Variants in GLI2 observed in about 807,000 individuals in gnomAD.
GLI2 encodes GLI family zinc finger 2, also known as transcription activator GLI2.
Under a neutral mutation model 78.9 loss-of-function variants are expected in GLI2, and 22 were observed. That is an observed-to-expected ratio of 0.28 (90% CI 0.20 to 0.40). The LOEUF is 0.40. Among genes scored for constraint, GLI2 ranks in the 10% least tolerant of loss-of-function variants. The pLI, the probability that GLI2 is intolerant of heterozygous loss-of-function variation, is 1.00. For synonymous variants in GLI2, 974 were observed against 963.7 expected (o/e 1.01, Z -0.20); for missense variants, 2,097 against 2,213.2 (o/e 0.95, Z 1.05).
intron 3 of GLI2, among the ~76,000 whole-genome samples, chr2:120,936,591 A>C (rs1428554864): frequency 6.6e-6 from 1 of 152,174 alleles, no homozygotes; most frequent in African/African-American, 2.4e-5. Context: ...GAGTCTCGCC[A>C]TGGTTCTCAG....
rs1683079910 is a variant in GLI2 at position 120,988,290 on chromosome 2, C to T, written c.2325C>T (p.Ser775=). The T allele has an allele frequency of 1.3e-6, 2 of 1,565,450 alleles. No individual in the cohort carries two copies. The highest frequency in any genetic ancestry group is 1.7e-6 in the Non-Finnish European group (2 of 1,160,938). Residue 775 remains serine, a synonymous_variant, in exon 14 of 14, where the codon TCC becomes TCT. Coordinates refer to ENST00000361492, the MANE Select transcript of GLI2 (RefSeq NM_001374353.1). ...LLPNPRLSEL[S]ASEVTMLSQL... Reference sequence around the variant, plus strand: ...CGAACCCGCGGCTGTCGGAGCTGTCCGCGAGCGAGGTGACCATGCTGAGCC... The same window carrying T: ...CGAACCCGCGGCTGTCGGAGCTGTCTGCGAGCGAGGTGACCATGCTGAGCC...
At chr2:120,956,981 C>T (rs1056503943) in intron 5 of GLI2, among the ~76,000 whole-genome samples, 8 of 152,202 alleles carry the variant, frequency 5.3e-5, no homozygotes, top group Admixed American at 3.9e-4. Context: ...TCCCCTGCCC[C>T]CCTCAGTCAC....
intron 2 of GLI2, among the ~76,000 whole-genome samples, chr2:120,816,985 T>C (rs1479976139): frequency 2.6e-5 from 4 of 152,240 alleles, no homozygotes; most frequent in Admixed American, 2.0e-4. Context: ...TTTTTACCCA[T>C]GCGTTATTTT....
chr2:120,807,202 G>T (rs1050123519), intron 2 of GLI2, among the ~76,000 whole-genome samples: 13 of 152,124 alleles, frequency 8.5e-5, no homozygotes, highest in African/African-American at 3.1e-4. Context: ...CACCAGCATG[G>T]TCTGGGGGAT....
At chr2:120,949,008 G>T (rs1680853960) in intron 3 of GLI2, among the ~76,000 whole-genome samples, 1 of 152,104 alleles carries the variant, frequency 6.6e-6, no homozygotes, top group African/African-American at 2.4e-5. Context: ...CTTCAGCCCA[G>T]GTCTGCCCCC....
intron 3 of GLI2, among the ~76,000 whole-genome samples, chr2:120,938,995 A>C (rs886114402): frequency 1.3e-5 from 2 of 152,234 alleles, no homozygotes; most frequent in Non-Finnish European, 2.9e-5. Flanking sequence ...AAGAACAACA[A>C]AAGTGGCCAG....
chr2:120,900,231 T>C (rs1043447733), intron 2 of GLI2, among the ~76,000 whole-genome samples: 2 of 152,186 alleles, frequency 1.3e-5, no homozygotes, highest in East Asian at 3.8e-4. Flanking sequence ...TTCCGGCTCT[T>C]TCTTGTTCCT....
In GLI2 at chr2:120,988,617, G is replaced by T. The variant is rs926908365; in HGVS notation, c.2652G>T (p.Pro884=). 3.4e-5 allele frequency: 50 copies of T among 1,463,100 alleles called. No individual in the cohort carries two copies. In the African/African-American group the frequency reaches 7.1e-4, roughly 21 times the overall value. The allele number at this position is 1,463,100 out of a possible 1,614,324, so 90.6% of individuals were successfully genotyped here. A position where few individuals can be genotyped will look rare whatever the true frequency, so the allele number is the denominator to read the frequency against. The part of the protein sequence containing the change: ...AKYAAATGGP[P]PTPLPGLERM... ...ACGCGGCAGCCACTGGCGGCCCCCC[G>T]CCCACTCCGCTGCCGGGCCTGGAGC... The change falls in exon 14 of 14, where the codon CCG becomes CCT. Residue 884 remains proline (P), a synonymous_variant. Coordinates refer to ENST00000361492, the MANE Select transcript of GLI2 (RefSeq NM_001374353.1).
chr2:120,940,775 CAG>C (rs1680413188), intron 3 of GLI2, among the ~76,000 whole-genome samples: 1 of 152,252 alleles, frequency 6.6e-6, no homozygotes, highest in South Asian at 2.1e-4. Context: ...CATGGGCACT[CAG>C]GGGGTCTGCT....
At chr2:120,751,652 G>A (rs79849137) in intron 1 of GLI2, among the ~76,000 whole-genome samples, 8,248 of 152,206 alleles carry the variant, frequency 0.054, 361 homozygotes, top group Admixed American at 0.11. Context: ...GCCCACGTTG[G>A]TGTTCTCTGT....
intron 2 of GLI2, among the ~76,000 whole-genome samples, chr2:120,881,431 A>G: frequency 1.7e-5 from 1 of 60,058 alleles, no homozygotes; most frequent in Non-Finnish European, 3.3e-5. Flanking sequence ...CAGGTAGGGG[A>G]GGGCAGGAGT....
At chr2:120,838,570 T>G (rs2104571947) in intron 2 of GLI2, among the ~76,000 whole-genome samples, 1 of 152,354 alleles carries the variant, frequency 6.6e-6, no homozygotes, top group South Asian at 2.1e-4. Flanking sequence ...TTAAAATTTC[T>G]GATAGCCACA....
chr2:120,737,687 A>G lies in GLI2; in HGVS notation c.-31+1402A>G, dbSNP rs1682411920. 6.6e-6 allele frequency among the ~76,000 whole-genome samples: 1 copy of G among 152,224 alleles called. No individual in the cohort carries two copies. Among genetic ancestry groups the G allele is most frequent in the South Asian group, 2.1e-4 (1 of 4,830 alleles). On this transcript the variant is annotated intron_variant, in intron 1 of 13. Coordinates refer to ENST00000361492, the MANE Select transcript of GLI2 (RefSeq NM_001374353.1). This position sits in a 1 kb window ranked among gnomAD's most constrained non-coding sequence, Gnocchi z 4.3. ...GAAGGTTTAATCCCGACAGCTTCAGATAAAGGGAGCAGTTGTAAAACGCTC... is the reference window on the plus strand; with the variant it reads ...GAAGGTTTAATCCCGACAGCTTCAGGTAAAGGGAGCAGTTGTAAAACGCTC...
intron 2 of GLI2, among the ~76,000 whole-genome samples, chr2:120,798,103 C>T (rs983411153): frequency 1.3e-5 from 2 of 152,014 alleles, no homozygotes; most frequent in African/African-American, 4.8e-5. Flanking sequence ...CATCTGGAGG[C>T]CACAGAACTA....
At chr2:120,835,385 CTT>C (rs544747953) in intron 2 of GLI2, among the ~76,000 whole-genome samples, 14 of 132,308 alleles carry the variant, frequency 1.1e-4, no homozygotes, top group Admixed American at 2.3e-4. Flanking sequence ...AGGCACCAGA[CTT>C]TTTTTTTTTT....
At chr2:120,940,465 A>G (rs946975935) in intron 3 of GLI2, among the ~76,000 whole-genome samples, 1 of 152,146 alleles carries the variant, frequency 6.6e-6, no homozygotes, top group African/African-American at 2.4e-5. Context: ...CCATTCTCTT[A>G]TAAGAGTCTG....
chr2:120,910,337 T>C (rs534547831), intron 2 of GLI2, among the ~76,000 whole-genome samples: 115 of 152,304 alleles, frequency 7.6e-4, no homozygotes, highest in African/African-American at 2.7e-3. Flanking sequence ...TTTTAATTTA[T>C]GCAAATGGGG....
chr2:120,955,479 T>A (rs922062637), intron 5 of GLI2, 49 bp downstream of exon 5: 2 of 1,242,580 alleles, frequency 1.6e-6, no homozygotes, highest in Non-Finnish European at 2.2e-6. Flanking sequence ...AGATCTCCTC[T>A]TGAGGCTGAG....
intron 2 of GLI2, among the ~76,000 whole-genome samples, chr2:120,911,583 C>T (rs1376259008): frequency 2.6e-5 from 4 of 152,146 alleles, no homozygotes; most frequent in Non-Finnish European, 5.9e-5. Flanking sequence ...TTCTGTTTTC[C>T]AATAGTGGGA....
Sources: allele counts gnomAD v4.1 joint callset (sites outside exome capture counted in the v4.1 genomes callset), GRCh38; gene constraint gnomAD v4.1.1; non-coding constraint Gnocchi (gnomAD v3.1); transcripts MANE v1.5; gene names NCBI Gene and HGNC (gene_info 2026-07-23, HGNC 2026-07-21).